The following ANO3 variants were observed in gnomAD, a reference collection of about 807,000 sequenced individuals.
The protein encoded by ANO3 is anoctamin 3.
A neutral mutation model predicts 144.8 loss-of-function variants in ANO3; 99 were observed. The ratio of observed to expected loss-of-function variants is 0.68; its 90% confidence interval spans 0.58 to 0.81. The LOEUF is 0.81. Among genes scored for constraint, ANO3 ranks in the 30% least tolerant of loss-of-function variants. The pLI is 0.00. For missense variants in ANO3, 905 were observed against 1,202.2 expected, an observed-to-expected ratio of 0.75 and a Z score of 3.66; for synonymous variants, 414 against 392.6, an observed-to-expected ratio of 1.05 and a Z score of -0.64.
chr11:26,295,756 T>A (rs1440485079), intron 1 of ANO3, among the ~76,000 whole-genome samples: 1 of 152,178 alleles, frequency 6.6e-6, no homozygotes, highest in Non-Finnish European at 1.5e-5. Flanking sequence ...ATTTCTGGGT[T>A]TTGTTCTTGC....
intron 3 of ANO3, among the ~76,000 whole-genome samples, chr11:26,457,596 G>A (rs994119582): frequency 6.6e-6 from 1 of 152,028 alleles, no homozygotes; most frequent in Non-Finnish European, 1.5e-5. Context: ...AATATTCTAT[G>A]GGAATATTTT....
chr11:26,386,866 T>C (rs947905310), intron 1 of ANO3, among the ~76,000 whole-genome samples: 15 of 152,198 alleles, frequency 9.9e-5, no homozygotes, highest in African/African-American at 3.1e-4. Context: ...AAATCATGTA[T>C]GTAAATTGTA....
At chr11:26,461,561 G>A (rs1859396215) in intron 3 of ANO3, among the ~76,000 whole-genome samples, 1 of 151,908 alleles carries the variant, frequency 6.6e-6, no homozygotes. Context: ...TTCTATGAAG[G>A]CAGAATTGTG....
chr11:26,506,449 T>G (rs571344967), intron 4 of ANO3, among the ~76,000 whole-genome samples: 1 of 152,344 alleles, frequency 6.6e-6, no homozygotes, highest in Non-Finnish European at 1.5e-5. Flanking sequence ...CTTGGCACAA[T>G]GCATAGTACA....
chr11:26,273,809 A>G (rs985480772), intron 1 of ANO3, among the ~76,000 whole-genome samples: 11 of 152,306 alleles, frequency 7.2e-5, no homozygotes, highest in African/African-American at 2.6e-4. Flanking sequence ...GTGCCAGATC[A>G]TGAGGAAGAA....
At chr11:26,493,538 G>C (rs1161839995) in intron 4 of ANO3, among the ~76,000 whole-genome samples, 1 of 152,092 alleles carries the variant, frequency 6.6e-6, no homozygotes, top group African/African-American at 2.4e-5. Context: ...TAGATTTTCT[G>C]TTTTCTGAAC....
intron 18 of ANO3, 117 bp from the exon 19 acceptor site, chr11:26,634,080 CAAAAAAA>C (rs10631901): frequency 1.9e-5 from 7 of 359,578 alleles, no homozygotes; most frequent in African/African-American, 2.8e-5. Context: ...ACTCCATTTC[CAAAAAAA>C]AAAAAAAAAA....
At chr11:26,492,632 A>C (rs1860755801) in intron 4 of ANO3, among the ~76,000 whole-genome samples, 1 of 152,194 alleles carries the variant, frequency 6.6e-6, no homozygotes, top group South Asian at 2.1e-4. Context: ...ACAGGGCATT[A>C]ATTGCCCAAT....
chr11:26,463,663 AT>A (rs2134058506), intron 4 of ANO3, among the ~76,000 whole-genome samples: 1 of 152,012 alleles, frequency 6.6e-6, no homozygotes, highest in Non-Finnish European at 1.5e-5. Context: ...CCTTATTGAA[AT>A]TATAGTTCAC....
At chr11:26,647,126 A>G (rs945933265) in intron 23 of ANO3, among the ~76,000 whole-genome samples, 124 of 152,284 alleles carry the variant, frequency 8.1e-4, no homozygotes, top group African/African-American at 2.8e-3. Flanking sequence ...TATAATGAAT[A>G]GTATACTAGT....
chr11:26,531,131 G>A, intron 7 of ANO3, 74 bp from the exon 8 acceptor site: 1 of 1,536,272 alleles, frequency 6.5e-7, no homozygotes, highest in Non-Finnish European at 8.9e-7. Context: ...TAGTACTTAA[G>A]TGAATTGTAG....
intron 1 of ANO3, among the ~76,000 whole-genome samples, chr11:26,212,883 T>G (rs557447839): frequency 6.6e-6 from 1 of 152,172 alleles, no homozygotes; most frequent in African/African-American, 2.4e-5. Flanking sequence ...AAATCCTCAA[T>G]AAAATCTTGG....
intron 1 of ANO3, among the ~76,000 whole-genome samples, chr11:26,296,772 G>A (rs1240908591): frequency 1.3e-5 from 2 of 152,082 alleles, no homozygotes; most frequent in Admixed American, 1.3e-4. Flanking sequence ...TAACAATTAA[G>A]AAAATGTTTT....
intron 1 of ANO3, among the ~76,000 whole-genome samples, chr11:26,219,223 G>C (rs896682347): frequency 6.6e-6 from 1 of 152,150 alleles, no homozygotes. Flanking sequence ...GAGAACTGCT[G>C]TGCTAGATAT....
At chr11:26,243,046 A>C (rs1320676805) in intron 1 of ANO3, among the ~76,000 whole-genome samples, 1 of 152,176 alleles carries the variant, frequency 6.6e-6, no homozygotes, top group Non-Finnish European at 1.5e-5. Flanking sequence ...GGTCTTGGTA[A>C]GGAGCAGTAA....
At chr11:26,210,547 G>C (rs569835463) in intron 1 of ANO3, among the ~76,000 whole-genome samples, 2 of 152,260 alleles carry the variant, frequency 1.3e-5, no homozygotes, top group African/African-American at 4.8e-5. Context: ...CATGAAGATA[G>C]CATTGAATCT....
chr11:26,428,823 A>C (rs1247003367), intron 1 of ANO3, among the ~76,000 whole-genome samples: 2 of 152,176 alleles, frequency 1.3e-5, no homozygotes, highest in Non-Finnish European at 1.5e-5. Flanking sequence ...AGAAAGTTTA[A>C]TATAATTGTT....
intron 1 of ANO3, among the ~76,000 whole-genome samples, chr11:26,236,804 T>C (rs1328673010): frequency 6.7e-4 from 79 of 117,576 alleles, no homozygotes; most frequent in East Asian, 4.8e-4. Flanking sequence ...GGCGACAGAG[T>C]GAGACTCCGT....
At chr11:26,482,436 G>A (rs1590401418) in intron 4 of ANO3, among the ~76,000 whole-genome samples, 2 of 97,952 alleles carry the variant, frequency 2.0e-5, no homozygotes, top group African/African-American at 8.3e-5. Context: ...ATGTGTGTGT[G>A]TGTGTGTGTG....
Sources: allele counts gnomAD v4.1 joint callset (sites outside exome capture counted in the v4.1 genomes callset), GRCh38; gene constraint gnomAD v4.1.1; transcripts MANE v1.5; gene names NCBI Gene and HGNC (gene_info 2026-07-23, HGNC 2026-07-21).